TRIO: variants seen among roughly 807,000 people sequenced by gnomAD.
TRIO encodes the protein trio Rho guanine nucleotide exchange factor.
Under a neutral mutation model 351.9 loss-of-function variants are expected in TRIO, and 58 were observed. The ratio of observed to expected loss-of-function variants is 0.16; its 90% confidence interval spans 0.13 to 0.21. The LOEUF (loss-of-function observed/expected upper bound fraction) is 0.21, where lower values mean the gene tolerates loss of function less well. TRIO is among the 10% of genes least tolerant of loss of function. The pLI, the probability that TRIO is intolerant of heterozygous loss-of-function variation, is 1.00. For synonymous variants in TRIO, 1,758 were observed against 1,595.7 expected, an observed-to-expected ratio of 1.10 and a Z score of -2.42; for missense variants, 3,201 against 4,027.8, an observed-to-expected ratio of 0.79 and a Z score of 5.56.
At chr5:14,391,281 A>G (rs1315985533) in intron 27 of TRIO, among the ~76,000 whole-genome samples, 1 of 152,212 alleles carries the variant, frequency 6.6e-6, no homozygotes, top group African/African-American at 2.4e-5. Flanking sequence ...GTCATTTATA[A>G]TATCATTACT....
rs56915481 is a variant in TRIO at position 14,207,262 on chromosome 5, T to TACAC, written c.157+63406_157+63409dup. Among the ~76,000 whole-genome samples the TACAC allele has an allele frequency of 1.1e-3, 51 of 46,070 alleles. 7 individuals carry two copies. Among genetic ancestry groups the TACAC allele is most frequent in the East Asian group, 3.9e-3 (4 of 1,026 alleles). 30.2% of individuals were successfully genotyped at this position (46,070 alleles called of 152,430 possible). A position where few individuals can be genotyped will look rare whatever the true frequency, so the allele number is the denominator to read the frequency against. The stretch of plus-strand genomic sequence containing the variant: ...CTGGGCAACATAGCAAGATGGTCTC[T>TACAC]ACACACACACACACACACACACACA... On this transcript the variant is annotated intron_variant, in intron 1 of 56. Transcript: ENST00000344204.
At chr5:14,484,004 A>G (rs1056697611) in intron 46 of TRIO, among the ~76,000 whole-genome samples, 1 of 151,614 alleles carries the variant, frequency 6.6e-6, no homozygotes, top group African/African-American at 2.4e-5. Flanking sequence ...AACTACACCC[A>G]TCCCCTGCAC....
intron 2 of TRIO, among the ~76,000 whole-genome samples, chr5:14,279,115 C>G (rs1197046521): frequency 6.6e-6 from 1 of 152,108 alleles, no homozygotes; most frequent in East Asian, 1.9e-4. Flanking sequence ...GATTGTTGCT[C>G]CCATATAATA....
In TRIO at chr5:14,412,862, A is replaced by T. The variant is rs377129440; in HGVS notation, c.4959+6190A>T. ...AGCAGGCAATCAAAAGCGAGGATGT[A>T]CCCACCAGCAAACCTCTGGCCTCTG... On this transcript the variant is annotated intron_variant, in intron 33 of 56. Transcript: ENST00000344204. Among the ~76,000 whole-genome samples the T allele has an allele frequency of 2.6e-5, 4 of 152,326 alleles. 1 individual carries two copies. Among genetic ancestry groups the T allele is most frequent in the East Asian group, 1.9e-4 (1 of 5,190 alleles).
intron 1 of TRIO, among the ~76,000 whole-genome samples, chr5:14,207,286 C>CACACACACACAT (rs1791524412): frequency 2.1e-5 from 1 of 46,984 alleles, no homozygotes; most frequent in Non-Finnish European, 4.5e-5. Context: ...CACACACACA[C>CACACACACACAT]ACACAGCCAG....
At chr5:14,362,769 C>T (rs1033189628) in intron 13 of TRIO, among the ~76,000 whole-genome samples, 1 of 152,158 alleles carries the variant, frequency 6.6e-6, no homozygotes, top group African/African-American at 2.4e-5. Context: ...CCGGTTCAGG[C>T]ACCATTATGC....
At chr5:14,281,248 C>T (rs1735964588) in intron 3 of TRIO, among the ~76,000 whole-genome samples, 1 of 152,082 alleles carries the variant, frequency 6.6e-6, no homozygotes, top group Admixed American at 6.5e-5. Context: ...AGGGAGCCCT[C>T]AGGAAACTTA....
intron 9 of TRIO, among the ~76,000 whole-genome samples, chr5:14,318,168 C>T (rs1476898936): frequency 6.8e-6 from 1 of 146,492 alleles, no homozygotes; most frequent in Non-Finnish European, 1.5e-5. Context: ...CTGGCACATG[C>T]TTGTAATCCC....
chr5:14,417,305 A>G (rs1457083936), intron 33 of TRIO, among the ~76,000 whole-genome samples: 1 of 152,214 alleles, frequency 6.6e-6, no homozygotes, highest in African/African-American at 2.4e-5. Context: ...ACTGTGCTTC[A>G]TGGTAGAAGA....
intron 28 of TRIO, among the ~76,000 whole-genome samples, chr5:14,396,127 G>A (rs1341325784): frequency 2.0e-5 from 3 of 150,958 alleles, no homozygotes; most frequent in African/African-American, 4.9e-5. Flanking sequence ...ATTTAATAAC[G>A]GATGTTTCTC....
intron 34 of TRIO, among the ~76,000 whole-genome samples, chr5:14,453,738 C>T (rs943772183): frequency 2.0e-5 from 3 of 152,136 alleles, no homozygotes; most frequent in East Asian, 1.9e-4. Flanking sequence ...CTTGGATCAG[C>T]GGGTTTCCCC....
chr5:14,456,225 G>A (rs775859890), intron 34 of TRIO, among the ~76,000 whole-genome samples: 6 of 152,238 alleles, frequency 3.9e-5, no homozygotes, highest in East Asian at 1.9e-4. Flanking sequence ...TGCGAGCACC[G>A]CACACAGCCC....
At chr5:14,440,519 A>C (rs1751942432) in intron 34 of TRIO, among the ~76,000 whole-genome samples, 1 of 152,244 alleles carries the variant, frequency 6.6e-6, no homozygotes, top group Admixed American at 6.5e-5. Context: ...TCCAAGGAAG[A>C]CAAGAAAGAA....
At chr5:14,364,586 AC>A (rs1270567167) in intron 14 of TRIO, 63 bp from the exon 15 acceptor site, 2 of 1,535,488 alleles carry the variant, frequency 1.3e-6, no homozygotes, top group Non-Finnish European at 1.8e-6. Context: ...TGTGCCATCC[AC>A]CCTTTGAGAA....
intron 20 of TRIO, among the ~76,000 whole-genome samples, chr5:14,379,442 C>G (rs1425135103): frequency 6.6e-6 from 1 of 152,212 alleles, no homozygotes; most frequent in Non-Finnish European, 1.5e-5. Flanking sequence ...GTTAGATGAA[C>G]TGGGTTCCTA....
At chr5:14,318,553 A>C (rs1026916714) in intron 9 of TRIO, among the ~76,000 whole-genome samples, 1 of 151,994 alleles carries the variant, frequency 6.6e-6, no homozygotes, top group Non-Finnish European at 1.5e-5. Context: ...TGAAGGTTAC[A>C]TATACAGAGT....
intron 1 of TRIO, among the ~76,000 whole-genome samples, chr5:14,264,291 A>T (rs1489929064): frequency 6.6e-6 from 1 of 152,160 alleles, no homozygotes; most frequent in African/African-American, 2.4e-5. Context: ...TTAATAAAAA[A>T]TAAACTACTT....
chr5:14,207,298 T>G (rs1581351135), intron 1 of TRIO, among the ~76,000 whole-genome samples: 1 of 11,368 alleles, frequency 8.8e-5, no homozygotes, highest in African/African-American at 2.8e-4. Flanking sequence ...CACAGCCAGG[T>G]AGCATAGCAA....
rs115462067 is a variant in TRIO, at chr5:14,349,050, G to A, written c.2047-9128G>A. 4.9e-3 allele frequency among the ~76,000 whole-genome samples: 731 copies of A among 150,556 alleles called. 5 individuals are homozygous for A. The highest frequency in any genetic ancestry group is 0.016 in the African/African-American group (650 of 40,820). ...TTTATGTGTACGCACGTGAGCATGT[G>A]TTTTTCCTGCATGTTTGTGTGTATG... is the stretch of plus-strand genomic sequence containing the variant. On this transcript the variant is annotated intron_variant, in intron 11 of 56. Transcript: ENST00000344204.
Sources: gnomAD v4.1 joint callset for allele counts (sites outside exome capture counted in the v4.1 genomes callset) on GRCh38, gnomAD v4.1.1 for gene constraint, MANE v1.5 for transcripts, NCBI Gene and HGNC (gene_info 2026-07-23, HGNC 2026-07-21) for gene names.